Variants in CLPSL2 observed in about 807,000 individuals in gnomAD.
CLPSL2 encodes colipase-like protein 2.
CLPSL2 carries 4 observed loss-of-function variants against 7.9 expected under a neutral mutation model. That is an observed-to-expected ratio of 0.50 (90% CI 0.25 to 1.15). The LOEUF is 1.15. Among genes scored for constraint, CLPSL2 ranks in the 50% most tolerant of loss-of-function variants. The pLI is 0.15. For synonymous variants in CLPSL2, 67 were observed against 53.1 expected (o/e 1.26, Z -1.14); for missense variants, 132 against 136.6 (o/e 0.97, Z 0.17).
chr6:35,777,615 T>C, intron 2 of CLPSL2, 34 bp downstream of exon 2: 3 of 1,591,864 alleles, frequency 1.9e-6, no homozygotes, highest in Non-Finnish European at 2.6e-6. Context: ...TTCTGGCAAG[T>C]AGAGAAGCGG....
At position 35,777,508 on chromosome 6, in the gene CLPSL2, G is replaced by A; in HGVS notation, c.134G>A (p.Cys45Tyr). 2 of 1,613,744 alleles carry A rather than the reference G, an allele frequency of 1.2e-6. No homozygotes were observed. ...CACTCTGAGTGCTACAGTGGCTGCT[G>A]CCTCATGGACTTGGACTCCGGTGGA... ...FHHSECYSGC[C>Y]LMDLDSGGAF... is the part of the protein sequence containing the mutation. The change falls in exon 2 of 3, where the codon TGC (cysteine) becomes TAC (tyrosine). Residue 45 changes from cysteine to tyrosine, a missense_variant. Cys to Tyr is a radical substitution (Grantham distance 194, BLOSUM62 -2). Coordinates refer to ENST00000403376, the MANE Select transcript of CLPSL2 (RefSeq NM_207409.4).
chr6:35,779,429 C>A lies in CLPSL2; in HGVS notation c.282C>A (p.Ser94=). Residue 94 remains serine, a synonymous_variant, in exon 3 of 3, where the codon TCC becomes TCA. Transcript: ENST00000403376. ...GCATATCCAAGGACTTGATGTGTTCCCGCCGGTGCCATATGATTTAGAGGA... is the reference window on the plus strand; with the variant it reads ...GCATATCCAAGGACTTGATGTGTTCACGCCGGTGCCATATGATTTAGAGGA... ...LTCISKDLMC[S]RRCHMI 1 of 1,583,408 alleles carries A rather than the reference C, an allele frequency of 6.3e-7. No homozygotes were observed. The highest frequency in any genetic ancestry group is 2.3e-5 in the East Asian group (1 of 43,478).
intron 1 of CLPSL2, 109 bp from the exon 2 acceptor site, chr6:35,777,350 C>A: frequency 7.6e-7 from 1 of 1,307,400 alleles, no homozygotes; most frequent in Non-Finnish European, 1.1e-6. Context: ...AACCTCATGA[C>A]TTCTCCTGGA....
chr6:35,778,604 G>A (rs750564685), intron 2 of CLPSL2, among the ~76,000 whole-genome samples: 12 of 152,154 alleles, frequency 7.9e-5, no homozygotes, highest in Non-Finnish European at 1.6e-4. Context: ...GTTGTCACTC[G>A]CTTTTAGGAA....
At chr6:35,776,938 C>G in intron 1 of CLPSL2, 1 of 401,676 alleles carries the variant, frequency 2.5e-6, no homozygotes, top group Non-Finnish European at 4.4e-6. Context: ...CTCCCTCCAC[C>G]TCCCCCGCCC....
intron 1 of CLPSL2, 120 bp downstream of exon 1, chr6:35,776,822 C>A: frequency 5.6e-6 from 5 of 887,038 alleles, no homozygotes; most frequent in Non-Finnish European, 7.8e-6. Flanking sequence ...CGGAACCACA[C>A]CCAGGCGGGT....
In CLPSL2 at chr6:35,776,627, A is replaced by T. The variant is rs999874326; in HGVS notation, c.9A>T (p.Ala3=). Residue 3 remains alanine, a synonymous_variant, in exon 1 of 3, where the codon GCA becomes GCT. Coordinates refer to ENST00000403376, the MANE Select transcript of CLPSL2 (RefSeq NM_207409.4). The part of the protein sequence containing the change: MA[A]ALALVAGVLS... ...CTCTGCCGCCCAGGCCCATGGCCGC[A>T]GCCCTGGCGCTCGTGGCGGGGGTCC... The T allele has an allele frequency of 6.0e-6, 9 of 1,499,214 alleles. No individual in the cohort carries two copies. Among genetic ancestry groups the T allele is most frequent in the Non-Finnish European group, 8.0e-6 (9 of 1,131,660 alleles). The allele number at this position is 1,499,214 out of a possible 1,614,324, so 92.9% of individuals were successfully genotyped here.
chr6:35,776,682 G>T lies in CLPSL2; in HGVS notation c.64G>T (p.Ala22Ser). The T allele has an allele frequency of 6.8e-7, 1 of 1,463,716 alleles. No individual in the cohort carries two copies. Among genetic ancestry groups the T allele is most frequent in the South Asian group, 1.3e-5 (1 of 76,138 alleles). The allele number at this position is 1,463,716 out of a possible 1,614,324, so 90.7% of individuals were successfully genotyped here. Residue 22 changes from alanine to serine, a missense_variant, in exon 1 of 3, where the codon GCG (alanine) becomes TCG (serine). Transcript: ENST00000403376. ...LSGAVLPLWS[A>S]LPQYKKKITD... ...GGGGGCGGTGCTGCCCCTCTGGAGC[G>T]CGCTTCCGCAATATAAAAAGGTGAG...
intron 2 of CLPSL2, among the ~76,000 whole-genome samples, chr6:35,778,939 A>G (rs1390295392): frequency 6.6e-6 from 1 of 152,076 alleles, no homozygotes; most frequent in Non-Finnish European, 1.5e-5. Flanking sequence ...GATTACAGGC[A>G]TGTGCTAATT....
At chr6:35,776,777 A>C in intron 1 of CLPSL2, 75 bp downstream of exon 1, 3 of 1,277,724 alleles carry the variant, frequency 2.3e-6, no homozygotes, top group Non-Finnish European at 3.0e-6. Flanking sequence ...CTGGAGCCCG[A>C]AGGCGCCGGG....
At chr6:35,779,084 TTA>T (rs1767907686) in intron 2 of CLPSL2, among the ~76,000 whole-genome samples, 1 of 152,166 alleles carries the variant, frequency 6.6e-6, no homozygotes, top group Admixed American at 6.5e-5. Context: ...AAGGGTCTTT[TTA>T]TTATCACCAC....
intron 1 of CLPSL2, among the ~76,000 whole-genome samples, chr6:35,777,052 T>C (rs1055488254): frequency 2.0e-5 from 3 of 151,882 alleles, no homozygotes; most frequent in African/African-American, 7.3e-5. Context: ...TTCTTCCACC[T>C]CCTCTCACTG....
chr6:35,777,954 GTTGTTTGT>G (rs762351592), intron 2 of CLPSL2: 1 of 714,850 alleles, frequency 1.4e-6, no homozygotes, highest in African/African-American at 1.7e-5. Context: ...AATGCTTATT[GTTGTTTGT>G]TTGTTTGTTT....
intron 2 of CLPSL2, among the ~76,000 whole-genome samples, chr6:35,778,098 G>A (rs1203511905): frequency 6.6e-6 from 1 of 152,186 alleles, no homozygotes; most frequent in Non-Finnish European, 1.5e-5. Context: ...TGGGATTACA[G>A]GGGTGCACCG....
At chr6:35,776,921 A>C in intron 1 of CLPSL2, 1 of 440,250 alleles carries the variant, frequency 2.3e-6, no homozygotes, top group Non-Finnish European at 4.0e-6. Flanking sequence ...TATGACCAGC[A>C]CCCTCGCTCC....
Position 35,776,670 on chromosome 6 carries a change from C to A in CLPSL2, c.52C>A (p.Pro18Thr). 6.7e-7 allele frequency: 1 copy of A among 1,484,482 alleles called. No individual in the cohort carries two copies. The highest frequency in any genetic ancestry group is 8.9e-7 in the Non-Finnish European group (1 of 1,125,202). 92.0% of individuals were successfully genotyped at this position (1,484,482 alleles called of 1,614,324 possible). Residue 18 changes from proline to threonine, a missense_variant, in exon 1 of 3, where the codon CCC (proline) becomes ACC (threonine). Physicochemically the swap from Pro to Thr is conservative, Grantham distance 38 (BLOSUM62 -1). Transcript: ENST00000403376. Reference protein sequence around the residue: ...VAGVLSGAVLPLWSALPQYKK... With the variant: ...VAGVLSGAVLTLWSALPQYKK... Reference sequence around the variant, plus strand: ...GGGGGTCCTGTCGGGGGCGGTGCTGCCCCTCTGGAGCGCGCTTCCGCAATA... The same window carrying A: ...GGGGGTCCTGTCGGGGGCGGTGCTGACCCTCTGGAGCGCGCTTCCGCAATA...
intron 2 of CLPSL2, 62 bp from the exon 3 acceptor site, chr6:35,779,293 G>T: frequency 7.1e-7 from 1 of 1,405,928 alleles, no homozygotes; most frequent in East Asian, 2.5e-5. Context: ...TCCCCAAGAA[G>T]TTTAAGTCCC....
chr6:35,778,758 G>A (rs1486269815), intron 2 of CLPSL2, among the ~76,000 whole-genome samples: 1 of 152,180 alleles, frequency 6.6e-6, no homozygotes, highest in African/African-American at 2.4e-5. Context: ...CCCCTACCAT[G>A]GCCTGACCCT....
intron 2 of CLPSL2, among the ~76,000 whole-genome samples, chr6:35,778,213 C>T (rs1010600947): frequency 5.9e-5 from 9 of 152,162 alleles, no homozygotes; most frequent in Non-Finnish European, 1.0e-4. Flanking sequence ...GGCTCGGCCT[C>T]CCAAGGTGCT....
Sources: allele counts gnomAD v4.1 joint callset (sites outside exome capture counted in the v4.1 genomes callset), GRCh38; gene constraint gnomAD v4.1.1; transcripts MANE v1.5; gene names NCBI Gene and HGNC (gene_info 2026-07-23, HGNC 2026-07-21).